The following RBMS1 variants were observed in gnomAD, a reference collection of about 807,000 sequenced individuals.
The protein encoded by RBMS1 is RNA binding motif single stranded interacting protein 1.
In RBMS1, 17 loss-of-function variants were observed where a neutral mutation model predicts 62.3. That is an observed-to-expected ratio of 0.27 (90% CI 0.19 to 0.41). RBMS1 has a LOEUF of 0.41. Among genes scored for constraint, RBMS1 ranks in the 10% least tolerant of loss-of-function variants. RBMS1 has a pLI of 1.00. For missense variants in RBMS1, 334 were observed against 504.5 expected, an observed-to-expected ratio of 0.66 and a Z score of 3.24; for synonymous variants, 172 against 170.0, an observed-to-expected ratio of 1.01 and a Z score of -0.09.
At chr2:160,375,029 G>A (rs540679302) in intron 1 of RBMS1, among the ~76,000 whole-genome samples, 3 of 152,250 alleles carry the variant, frequency 2.0e-5, no homozygotes, top group Admixed American at 2.0e-4. Flanking sequence ...ATTATCCCTG[G>A]AAGGCTCAGG....
At chr2:160,394,048 A>G (rs559958832) in intron 1 of RBMS1, among the ~76,000 whole-genome samples, 1 of 152,228 alleles carries the variant, frequency 6.6e-6, no homozygotes, top group Non-Finnish European at 1.5e-5. Context: ...GAATTCATTC[A>G]GGATAAAATT....
chr2:160,378,889 T>C (rs747157377), intron 1 of RBMS1, among the ~76,000 whole-genome samples: 3 of 152,230 alleles, frequency 2.0e-5, no homozygotes, highest in African/African-American at 2.4e-5. Context: ...ACAAAGCATA[T>C]ACTTAGATAA....
intron 1 of RBMS1, among the ~76,000 whole-genome samples, chr2:160,389,240 C>T (rs937237069): frequency 2.2e-4 from 33 of 152,112 alleles, no homozygotes; most frequent in African/African-American, 8.0e-4. Flanking sequence ...GATGAGGAAA[C>T]ACAATTTTTA....
At chr2:160,317,777 C>A (rs1396133549) in intron 3 of RBMS1, among the ~76,000 whole-genome samples, 1 of 152,162 alleles carries the variant, frequency 6.6e-6, no homozygotes, top group African/African-American at 2.4e-5. Context: ...CCAATTTGCA[C>A]AATATGTAAT....
At chr2:160,467,017 T>C (rs1684723012) in intron 1 of RBMS1, among the ~76,000 whole-genome samples, 1 of 152,158 alleles carries the variant, frequency 6.6e-6, no homozygotes, top group East Asian at 1.9e-4. Context: ...CTAATTGTCT[T>C]CTCCTTGTCT....
intron 1 of RBMS1, among the ~76,000 whole-genome samples, chr2:160,443,051 C>T (rs1161697477): frequency 1.3e-5 from 2 of 151,770 alleles, no homozygotes; most frequent in Non-Finnish European, 2.9e-5. Flanking sequence ...ATTAAAAATA[C>T]AAAAATTAGC....
chr2:160,461,510 G>A (rs1239837082), intron 1 of RBMS1, among the ~76,000 whole-genome samples: 2 of 152,104 alleles, frequency 1.3e-5, no homozygotes, highest in South Asian at 2.1e-4. Flanking sequence ...TAAAGTCAGC[G>A]CAACAGTCAC....
chr2:160,437,704 G>C (rs932837411), intron 1 of RBMS1, among the ~76,000 whole-genome samples: 1 of 152,212 alleles, frequency 6.6e-6, no homozygotes, highest in African/African-American at 2.4e-5. Context: ...TAACATAGAT[G>C]TTCAAATTCT....
rs188795371 is a variant in RBMS1, at chr2:160,473,439, T to C, written c.75+19850A>G. Among the ~76,000 whole-genome samples, 455 of 152,326 alleles carry C rather than the reference T, an allele frequency of 3.0e-3. 14 individuals carry two copies. The highest frequency in any genetic ancestry group is 3.4e-4 in the Non-Finnish European group (23 of 68,032). ...TGGAATTTGTCATTTAAAAGTATTT[T>C]TAGGCAAAATTCATGTTTTTATATA... On this transcript the variant is annotated intron_variant, in intron 1 of 13. Transcript: ENST00000348849.
At chr2:160,407,061 G>T (rs1340833548) in intron 1 of RBMS1, among the ~76,000 whole-genome samples, 1 of 152,194 alleles carries the variant, frequency 6.6e-6, no homozygotes, top group African/African-American at 2.4e-5. Context: ...CGTCTTCCGG[G>T]TTTCCTACGA....
intron 1 of RBMS1, among the ~76,000 whole-genome samples, chr2:160,397,776 G>C (rs1402607465): frequency 6.6e-6 from 1 of 152,072 alleles, no homozygotes; most frequent in East Asian, 1.9e-4. Context: ...CCCTTTACTA[G>C]GCTTTTGTCT....
chr2:160,364,289 G>A (rs767662078), intron 2 of RBMS1, among the ~76,000 whole-genome samples: 3 of 152,222 alleles, frequency 2.0e-5, no homozygotes, highest in Admixed American at 1.3e-4. Flanking sequence ...GAAATAGGGA[G>A]CAAAGTTGCA....
At chr2:160,453,893 GT>G (rs1216495279) in intron 1 of RBMS1, among the ~76,000 whole-genome samples, 1 of 152,148 alleles carries the variant, frequency 6.6e-6, no homozygotes, top group East Asian at 1.9e-4. Context: ...GTTCATGATA[GT>G]TTTTATGCTA....
intron 1 of RBMS1, among the ~76,000 whole-genome samples, chr2:160,449,680 A>G (rs983351683): frequency 3.3e-5 from 5 of 152,134 alleles, no homozygotes; most frequent in African/African-American, 1.2e-4. Context: ...CCAGGGACAC[A>G]AACACTGCGG....
chr2:160,435,525 T>C (rs1683074249), intron 1 of RBMS1, among the ~76,000 whole-genome samples: 1 of 152,264 alleles, frequency 6.6e-6, no homozygotes, highest in South Asian at 2.1e-4. Context: ...TACTGTTTAA[T>C]AGTTGGAATG....
At chr2:160,451,466 G>A (rs1390306820) in intron 1 of RBMS1, among the ~76,000 whole-genome samples, 1 of 151,852 alleles carries the variant, frequency 6.6e-6, no homozygotes, top group African/African-American at 2.4e-5. Context: ...ATCTATATTT[G>A]GATTAAAATG....
At chr2:160,420,817 C>T (rs1696394775) in intron 1 of RBMS1, among the ~76,000 whole-genome samples, 1 of 152,212 alleles carries the variant, frequency 6.6e-6, no homozygotes, top group South Asian at 2.1e-4. Flanking sequence ...GCATTAACCT[C>T]AGTACCCCCT....
chr2:160,444,123 G>C (rs1055865828), intron 1 of RBMS1, among the ~76,000 whole-genome samples: 1 of 152,082 alleles, frequency 6.6e-6, no homozygotes, highest in Non-Finnish European at 1.5e-5. Context: ...GTTTTTTATT[G>C]TACAGGTAGA....
intron 6 of RBMS1, among the ~76,000 whole-genome samples, chr2:160,294,485 G>A (rs1248475097): frequency 6.6e-6 from 1 of 152,196 alleles, no homozygotes; most frequent in African/African-American, 2.4e-5. Flanking sequence ...GGCAGGCAGT[G>A]TAGAAGTGAC....
Sources: gnomAD v4.1 joint callset for allele counts (sites outside exome capture counted in the v4.1 genomes callset) on GRCh38, gnomAD v4.1.1 for gene constraint, MANE v1.5 for transcripts, NCBI Gene and HGNC (gene_info 2026-07-23, HGNC 2026-07-21) for gene names.